Variants in HTR1F observed in about 807,000 individuals in gnomAD.
HTR1F encodes the protein 5-hydroxytryptamine receptor 1F.
HTR1F carries 17 observed loss-of-function variants against 24.0 expected under a neutral mutation model. The ratio of observed to expected loss-of-function variants is 0.71; its 90% CI spans 0.48 to 1.06. HTR1F has a LOEUF of 1.06. Ranked by LOEUF, HTR1F falls within the 50% of genes least tolerant of loss-of-function variation. The pLI, the probability that HTR1F is intolerant of heterozygous loss-of-function variation, is 0.00. For missense variants in HTR1F, 391 were observed against 427.8 expected (o/e 0.91, Z 0.76); for synonymous variants, 186 against 156.8 (o/e 1.19, Z -1.39).
chr3:87,913,514 C>T (rs62267049), intron 2 of HTR1F, among the ~76,000 whole-genome samples: 4,100 of 152,204 alleles, frequency 0.027, 64 homozygotes, highest in Middle Eastern at 0.048. Context: ...TTGTGAAAGA[C>T]CATGTGGCAA....
chr3:87,945,005 T>A (rs1404154546), intron 2 of HTR1F, among the ~76,000 whole-genome samples: 2 of 152,050 alleles, frequency 1.3e-5, no homozygotes, highest in East Asian at 3.9e-4. Context: ...TTTAAAGGAA[T>A]AGGGCACACT....
At chr3:87,989,371 C>T (rs1399881470) in intron 2 of HTR1F, among the ~76,000 whole-genome samples, 9 of 152,090 alleles carry the variant, frequency 5.9e-5, no homozygotes, top group African/African-American at 1.2e-4. Flanking sequence ...TCTTTGGTAA[C>T]GGACTTGTTT....
chr3:87,940,334 C>T (rs1164237446), intron 2 of HTR1F, among the ~76,000 whole-genome samples: 2 of 152,178 alleles, frequency 1.3e-5, no homozygotes, highest in Non-Finnish European at 2.9e-5. Flanking sequence ...GCAAAAATCA[C>T]AAGCATTCCT....
At chr3:87,883,742 C>T (rs1406663236) in intron 2 of HTR1F, among the ~76,000 whole-genome samples, 1 of 151,966 alleles carries the variant, frequency 6.6e-6, no homozygotes, top group Non-Finnish European at 1.5e-5. Flanking sequence ...GAAAGGATAT[C>T]AGTGATTGAA....
At chr3:87,893,597 A>G (rs1706130993) in intron 2 of HTR1F, among the ~76,000 whole-genome samples, 1 of 152,212 alleles carries the variant, frequency 6.6e-6, no homozygotes, top group Non-Finnish European at 1.5e-5. Context: ...CCTGACCACG[A>G]AGAAGAAGTG....
intron 2 of HTR1F, among the ~76,000 whole-genome samples, chr3:87,911,193 C>CA (rs1382298622): frequency 1.3e-5 from 2 of 151,464 alleles, no homozygotes; most frequent in Admixed American, 1.3e-4. Flanking sequence ...TTGTTTTCTG[C>CA]AAAAAATAAC....
intron 2 of HTR1F, among the ~76,000 whole-genome samples, chr3:87,928,292 T>C (rs2107397009): frequency 6.6e-6 from 1 of 152,194 alleles, no homozygotes; most frequent in South Asian, 2.1e-4. Context: ...GTGATCCACC[T>C]GCCTTAGCCT....
At chr3:87,850,532 C>G (rs550501652) in intron 2 of HTR1F, among the ~76,000 whole-genome samples, 2 of 151,686 alleles carry the variant, frequency 1.3e-5, no homozygotes, top group African/African-American at 4.9e-5. Flanking sequence ...GGGTGCAGCA[C>G]ACCAACATAG....
intron 2 of HTR1F, among the ~76,000 whole-genome samples, chr3:87,899,654 G>A (rs1706278884): frequency 6.6e-6 from 1 of 152,048 alleles, no homozygotes; most frequent in Admixed American, 6.6e-5. Flanking sequence ...CTTGGGGTGA[G>A]GAGTTCGAGA....
At chr3:87,989,699 A>G (rs1705775138) in intron 2 of HTR1F, among the ~76,000 whole-genome samples, 1 of 152,202 alleles carries the variant, frequency 6.6e-6, no homozygotes, top group Admixed American at 6.5e-5. Context: ...AGTTTTTAAT[A>G]TAATATTTTC....
Position 87,894,038 on chromosome 3 carries a change from G to A in HTR1F, c.-43+71914G>A, listed in dbSNP as rs1706144692. ...TTTTTTTTTTATTTCCATAGGTTTT[G>A]GGGGGAACAGGTGGTATTTGGTTCC... is the stretch of plus-strand genomic sequence containing the variant. On this transcript the variant is annotated intron_variant, in intron 2 of 2. Coordinates refer to ENST00000319595, the MANE Select transcript of HTR1F (RefSeq NM_001322209.2). 2.0e-5 allele frequency among the ~76,000 whole-genome samples: 3 copies of A among 148,236 alleles called. No individual in the cohort carries two copies. In the South Asian group the frequency reaches 6.4e-4, roughly 31 times the overall value.
At chr3:87,801,415 T>C (rs2107067038) in intron 1 of HTR1F, among the ~76,000 whole-genome samples, 1 of 152,278 alleles carries the variant, frequency 6.6e-6, no homozygotes, top group South Asian at 2.1e-4. Context: ...TTTGCCAAGG[T>C]TAAGAGTGCA....
chr3:87,933,336 G>A (rs1353676145), intron 2 of HTR1F, among the ~76,000 whole-genome samples: 1 of 151,254 alleles, frequency 6.6e-6, no homozygotes, highest in Non-Finnish European at 1.5e-5. Flanking sequence ...TCAACATAGT[G>A]TTGGAAGTTC....
intron 2 of HTR1F, among the ~76,000 whole-genome samples, chr3:87,860,391 T>C (rs369341703): frequency 6.6e-6 from 1 of 152,220 alleles, no homozygotes; most frequent in South Asian, 2.1e-4. Context: ...ATTGTATTTT[T>C]GCAGAGAACA....
At chr3:87,799,557 T>C (rs1703961117) in intron 1 of HTR1F, among the ~76,000 whole-genome samples, 1 of 152,218 alleles carries the variant, frequency 6.6e-6, no homozygotes, top group African/African-American at 2.4e-5. Context: ...GAGGCTGATA[T>C]TCTGTTGAAG....
chr3:87,799,714 A>G (rs1703962961), intron 1 of HTR1F, among the ~76,000 whole-genome samples: 1 of 152,184 alleles, frequency 6.6e-6, no homozygotes. Flanking sequence ...AGCTGGTACA[A>G]GTAGTCCCCT....
chr3:87,990,428 GC>G (rs1472975115), intron 2 of HTR1F, among the ~76,000 whole-genome samples: 1 of 152,084 alleles, frequency 6.6e-6, no homozygotes, highest in Non-Finnish European at 1.5e-5. Flanking sequence ...TTCTATAATG[GC>G]AGAGATTTCA....
chr3:87,838,004 T>C (rs1235072511), intron 2 of HTR1F, among the ~76,000 whole-genome samples: 2 of 150,090 alleles, frequency 1.3e-5, no homozygotes, highest in East Asian at 3.8e-4. Context: ...TATATGGAAA[T>C]AATAACTGAG....
At chr3:87,918,807 A>G (rs948302030) in intron 2 of HTR1F, among the ~76,000 whole-genome samples, 1 of 152,092 alleles carries the variant, frequency 6.6e-6, no homozygotes, top group African/African-American at 2.4e-5. Context: ...GATAAAAGCA[A>G]TCTACAAATT....
Sources: allele counts gnomAD v4.1 joint callset (sites outside exome capture counted in the v4.1 genomes callset), GRCh38; gene constraint gnomAD v4.1.1; transcripts MANE v1.5; gene names NCBI Gene and HGNC (gene_info 2026-07-23, HGNC 2026-07-21).